Variants in PCLO observed in about 807,000 individuals in gnomAD.
The protein encoded by PCLO is piccolo presynaptic cytomatrix protein, also known as protein piccolo.
PCLO carries 82 observed loss-of-function variants against 427.5 expected under a neutral mutation model. That is an observed-to-expected ratio of 0.19 (90% CI 0.16 to 0.23). The LOEUF (loss-of-function observed/expected upper bound fraction) is 0.23. Among genes scored for constraint, PCLO ranks in the 10% least tolerant of loss-of-function variants. The pLI is 1.00. For missense variants in PCLO, 6,239 were observed against 6,115.9 expected, an observed-to-expected ratio of 1.02 and a Z score of -0.67; for synonymous variants, 2,357 against 2,155.4, an observed-to-expected ratio of 1.09 and a Z score of -2.59.
chr7:83,055,856 T>C (rs1789365657), intron 3 of PCLO, among the ~76,000 whole-genome samples: 1 of 152,128 alleles, frequency 6.6e-6, no homozygotes, highest in Admixed American at 6.6e-5. Flanking sequence ...AATCTAAAAA[T>C]GCTATTATTC....
intron 3 of PCLO, among the ~76,000 whole-genome samples, chr7:83,097,663 C>T (rs1790628476): frequency 6.6e-6 from 1 of 151,114 alleles, no homozygotes; most frequent in Admixed American, 6.6e-5. Context: ...ACTGGTTCAG[C>T]ATACAAAAAA....
chr7:83,056,453 G>T (rs541308921), intron 3 of PCLO, among the ~76,000 whole-genome samples: 1 of 152,248 alleles, frequency 6.6e-6, no homozygotes, highest in East Asian at 1.9e-4. Context: ...AATGTTAACA[G>T]AAATAATACA....
chr7:82,853,214 C>G (rs77300033), intron 10 of PCLO, among the ~76,000 whole-genome samples: 1 of 151,540 alleles, frequency 6.6e-6, no homozygotes, highest in Non-Finnish European at 1.5e-5. Context: ...ATTTTTTGTA[C>G]TCATGGTTCA....
intron 3 of PCLO, among the ~76,000 whole-genome samples, chr7:83,081,973 A>G (rs144486897): frequency 1.2e-3 from 184 of 151,866 alleles, no homozygotes; most frequent in Non-Finnish European, 2.1e-3. Context: ...TATATATTTT[A>G]CCATTAAACG....
At chr7:82,849,662 G>A (rs1009030422) in intron 10 of PCLO, among the ~76,000 whole-genome samples, 1 of 151,944 alleles carries the variant, frequency 6.6e-6, no homozygotes, top group Admixed American at 6.6e-5. Flanking sequence ...ATGGCATTTC[G>A]AATATATATG....
At chr7:82,908,853 GA>G in intron 8 of PCLO, 23 bp downstream of exon 8, 1 of 1,599,742 alleles carries the variant, frequency 6.3e-7, no homozygotes, top group Non-Finnish European at 8.5e-7. Flanking sequence ...AAATCTAAAA[GA>G]AATTGCTAAA....
Position 82,952,271 on chromosome 7 carries a change from A to G in PCLO, c.8682T>C (p.Asp2894=). The G allele has an allele frequency of 1.2e-6, 2 of 1,613,922 alleles. No individual in the cohort carries two copies. The highest frequency in any genetic ancestry group is 1.7e-6 in the Non-Finnish European group (2 of 1,179,834). ...TDSTVSQGIT[D]GEVVDLSTTK... is the part of the protein sequence containing the mutation. Reference sequence around the variant, plus strand: ...TTGTACTGAGATCCACTACTTCCCCATCAGTGATTCCCTGGGATACGGTGC... The same window carrying G: ...TTGTACTGAGATCCACTACTTCCCCGTCAGTGATTCCCTGGGATACGGTGC... Residue 2894 remains aspartate, a synonymous_variant, in exon 5 of 25, where the codon GAT becomes GAC. Coordinates refer to ENST00000333891, the MANE Select transcript of PCLO (RefSeq NM_033026.6).
At chr7:82,918,809 T>C (rs567404430) in intron 6 of PCLO, among the ~76,000 whole-genome samples, 21 of 152,154 alleles carry the variant, frequency 1.4e-4, no homozygotes, top group Non-Finnish European at 4.4e-5. Flanking sequence ...ACGACCGTGA[T>C]GCCTAACAAA....
At chr7:82,761,038 C>A (rs1790422200) in intron 23 of PCLO, among the ~76,000 whole-genome samples, 1 of 139,344 alleles carries the variant, frequency 7.2e-6, no homozygotes, top group African/African-American at 2.7e-5. Context: ...ACTTCAAACT[C>A]CTGGGCTCAA....
At chr7:82,918,281 T>C (rs1174026792) in intron 6 of PCLO, among the ~76,000 whole-genome samples, 3 of 152,100 alleles carry the variant, frequency 2.0e-5, no homozygotes, top group African/African-American at 4.8e-5. Flanking sequence ...TATAAAATAC[T>C]CACAATTAAT....
At position 82,758,578 on chromosome 7, in the gene PCLO, A is replaced by G. The variant is rs1476945426; in HGVS notation, c.15426T>C (p.His5142=). The change falls in exon 25 of 25, where the codon CAT becomes CAC. Residue 5142 remains histidine, a synonymous_variant. Transcript: ENST00000333891. ...TACCCTGAGAAGACATGTTTCTTCA[A>G]TGCGTTTGAGTAGGACTGACCAAAA... ...HKLLVSPTQT[H] is the part of the protein sequence containing the mutation. The G allele has an allele frequency of 1.9e-6, 3 of 1,608,442 alleles. No individual in the cohort carries two copies. In the African/African-American group the frequency reaches 4.0e-5, roughly 22 times the overall value.
chr7:83,062,630 G>A (rs917000691), intron 3 of PCLO, among the ~76,000 whole-genome samples: 1 of 152,100 alleles, frequency 6.6e-6, no homozygotes, highest in African/African-American at 2.4e-5. Flanking sequence ...GTGTGAGGCA[G>A]GTACCAGATT....
rs539088876 is a variant in PCLO, at chr7:83,082,761, T to C, written c.3300+51489A>G. Among the ~76,000 whole-genome samples, 3 of 151,604 alleles carry C rather than the reference T, an allele frequency of 2.0e-5. No homozygotes were observed. In the East Asian group the frequency reaches 5.8e-4, roughly 29 times the overall value. On this transcript the variant is annotated intron_variant, in intron 3 of 24. Transcript: ENST00000333891. ...TCAAAATACAGCATGTACCACCCCA[T>C]AAATATGTATAATTATTATGTACTC...
At chr7:82,877,363 C>CA in intron 10 of PCLO, among the ~76,000 whole-genome samples, 1 of 152,144 alleles carries the variant, frequency 6.6e-6, no homozygotes, top group East Asian at 1.9e-4. Context: ...GTTGTTATTG[C>CA]AAATGTTATT....
chr7:82,861,792 A>G (rs75734727), intron 10 of PCLO, among the ~76,000 whole-genome samples: 2,554 of 152,134 alleles, frequency 0.017, 83 homozygotes, highest in African/African-American at 0.059. Context: ...TCTTACTACA[A>G]TGAAATAAAT....
intron 3 of PCLO, among the ~76,000 whole-genome samples, chr7:83,003,512 G>C (rs999862597): frequency 2.6e-5 from 4 of 151,786 alleles, no homozygotes; most frequent in African/African-American, 4.8e-5. Flanking sequence ...AAATATGGAT[G>C]ACTATGTCAA....
chr7:83,030,119 G>GAAA (rs199609017), intron 3 of PCLO, among the ~76,000 whole-genome samples: 110 of 104,502 alleles, frequency 1.1e-3, no homozygotes, highest in Middle Eastern at 6.7e-3. Flanking sequence ...AATAATAAAA[G>GAAA]AAAAAAAAAA....
chr7:83,134,669 C>G lies in PCLO; in HGVS notation c.2881G>C (p.Gly961Arg). ...GCAGGGGCTTGTTTCATTGGGGCCCCTGGTCCACTTTGTGAATGAGGTCCA... is the reference window on the plus strand; with the variant it reads ...GCAGGGGCTTGTTTCATTGGGGCCCGTGGTCCACTTTGTGAATGAGGTCCA... ...QPGPHSQSGPGAPMKQAPAPS... is the reference protein window; with the variant it reads ...QPGPHSQSGPRAPMKQAPAPS... The change falls in exon 3 of 25, where the codon GGG (glycine) becomes CGG (arginine). Residue 961 changes from glycine (G) to arginine (R), a missense_variant. Physicochemically the swap from Gly to Arg is moderately radical, Grantham distance 125 (BLOSUM62 -2). Around this residue, in one of 5 missense-constraint regions of PCLO, gnomAD observed 4,677 missense variants for 4,468.4 expected, o/e 1.05. Transcript: ENST00000333891. The G allele has an allele frequency of 6.2e-7, 1 of 1,613,734 alleles. No homozygotes were observed.
At position 82,955,121 on chromosome 7, in the gene PCLO, C is replaced by T; in HGVS notation, c.5832G>A (p.Glu1944=). The part of the protein sequence containing the change: ...ANERDEVFEK[E]PLYGGMLIED... The stretch of plus-strand genomic sequence containing the variant: ...CTATTAGCATCCCACCATACAAAGG[C>T]TCTTTTTCAAACACTTCATCTCGTT... Residue 1944 remains glutamate, a synonymous_variant, in exon 5 of 25, where the codon GAG becomes GAA. Transcript: ENST00000333891. 6.2e-7 allele frequency: 1 copy of T among 1,613,788 alleles called. No individual in the cohort carries two copies.
Sources: gnomAD v4.1 joint callset for allele counts (sites outside exome capture counted in the v4.1 genomes callset) on GRCh38, gnomAD v4.1.1 for gene constraint, gnomAD v4.1.1 regional missense constraint, MANE v1.5 for transcripts, NCBI Gene and HGNC (gene_info 2026-07-23, HGNC 2026-07-21) for gene names.